Variants in SUCLG2 observed in about 807,000 individuals in gnomAD.
The protein encoded by SUCLG2 is succinate-CoA ligase GDP-forming subunit beta.
In SUCLG2, 42 loss-of-function variants were observed where a neutral mutation model predicts 47.9. The ratio of observed to expected loss-of-function variants is 0.88; its 90% confidence interval spans 0.69 to 1.14. The LOEUF (loss-of-function observed/expected upper bound fraction) is 1.14, where lower values mean the gene tolerates loss of function less well. Ranked by LOEUF, SUCLG2 falls within the 50% of genes most tolerant of loss-of-function variation. SUCLG2 has a pLI of 0.00. For synonymous variants in SUCLG2, 195 were observed against 197.3 expected, an observed-to-expected ratio of 0.99 and a Z score of 0.10; for missense variants, 571 against 525.9, an observed-to-expected ratio of 1.09 and a Z score of -0.84.
intron 2 of SUCLG2, among the ~76,000 whole-genome samples, chr3:67,581,238 C>T (rs1237585753): frequency 6.6e-6 from 1 of 152,102 alleles, no homozygotes; most frequent in African/African-American, 2.4e-5. Flanking sequence ...AGAGTAAAGT[C>T]CAAAAATGCA....
intron 4 of SUCLG2, among the ~76,000 whole-genome samples, chr3:67,524,643 C>T (rs994193111): frequency 6.6e-6 from 1 of 152,166 alleles, no homozygotes; most frequent in African/African-American, 2.4e-5. Flanking sequence ...GTTCTATAAT[C>T]TGGGGACTTA....
intron 1 of SUCLG2, among the ~76,000 whole-genome samples, chr3:67,620,229 A>G (rs1425649087): frequency 6.6e-6 from 1 of 152,194 alleles, no homozygotes; most frequent in Non-Finnish European, 1.5e-5. Flanking sequence ...GAAGAAAGAC[A>G]TGAACACATT....
intron 10 of SUCLG2, among the ~76,000 whole-genome samples, chr3:67,386,803 G>A (rs1040392194): frequency 1.2e-4 from 18 of 152,194 alleles, no homozygotes; most frequent in African/African-American, 4.3e-4. Flanking sequence ...ATCATTTACA[G>A]TATCATTCTT....
At chr3:67,602,685 C>A (rs1282827410) in intron 2 of SUCLG2, among the ~76,000 whole-genome samples, 1 of 152,028 alleles carries the variant, frequency 6.6e-6, no homozygotes, top group Non-Finnish European at 1.5e-5. Context: ...TAGGGAAAAC[C>A]ATTAATTTAA....
At chr3:67,583,034 A>G (rs1029898784) in intron 2 of SUCLG2, among the ~76,000 whole-genome samples, 2 of 152,046 alleles carry the variant, frequency 1.3e-5, no homozygotes, top group Admixed American at 6.6e-5. Context: ...TGCAGTGACA[A>G]AAGGGAAAAT....
At chr3:67,573,809 T>C (rs774178510) in intron 2 of SUCLG2, among the ~76,000 whole-genome samples, 114 of 152,192 alleles carry the variant, frequency 7.5e-4, no homozygotes, top group Non-Finnish European at 1.4e-3. Flanking sequence ...AATAAAACCC[T>C]GTCTTACTCA....
chr3:67,530,674 T>C (rs1448203515), intron 2 of SUCLG2, among the ~76,000 whole-genome samples: 1 of 152,232 alleles, frequency 6.6e-6, no homozygotes, highest in Non-Finnish European at 1.5e-5. Flanking sequence ...CTCCTATATT[T>C]GCTTACACTC....
chr3:67,595,945 G>A (rs1708283321), intron 2 of SUCLG2, among the ~76,000 whole-genome samples: 1 of 152,216 alleles, frequency 6.6e-6, no homozygotes, highest in South Asian at 2.1e-4. Context: ...AAAACAAGAT[G>A]AATGTGTCTC....
At chr3:67,614,141 T>G (rs1366059010) in intron 1 of SUCLG2, among the ~76,000 whole-genome samples, 2 of 152,228 alleles carry the variant, frequency 1.3e-5, no homozygotes, top group Admixed American at 6.5e-5. Context: ...AATCCATGAA[T>G]TCTAGAATGC....
chr3:67,580,252 T>C (rs1225190689), intron 2 of SUCLG2, among the ~76,000 whole-genome samples: 1 of 152,256 alleles, frequency 6.6e-6, no homozygotes, highest in South Asian at 2.1e-4. Flanking sequence ...GTTGCCATGA[T>C]ATATATATTT....
chr3:67,486,021 C>T (rs1173347162), intron 9 of SUCLG2, among the ~76,000 whole-genome samples: 2 of 152,080 alleles, frequency 1.3e-5, no homozygotes, highest in African/African-American at 4.8e-5. Flanking sequence ...GTCTGTAATC[C>T]CAGCACTTTG....
chr3:67,522,664 T>G (rs1273395699), intron 4 of SUCLG2, among the ~76,000 whole-genome samples: 1 of 148,936 alleles, frequency 6.7e-6, no homozygotes, highest in Non-Finnish European at 1.5e-5. Context: ...TTTCTTTCTT[T>G]TTTTTTTTTT....
intron 9 of SUCLG2, among the ~76,000 whole-genome samples, chr3:67,475,737 CG>C (rs1704734303): frequency 6.7e-6 from 1 of 149,340 alleles, no homozygotes; most frequent in African/African-American, 2.5e-5. Flanking sequence ...TTTTTGAGAG[CG>C]AGATGGAGTT....
At chr3:67,451,939 G>C (rs1704067076) in intron 9 of SUCLG2, among the ~76,000 whole-genome samples, 1 of 152,178 alleles carries the variant, frequency 6.6e-6, no homozygotes, top group Non-Finnish European at 1.5e-5. Context: ...CAGGATAACT[G>C]AAAGAGTTGT....
At chr3:67,578,889 G>T (rs1051104102) in intron 2 of SUCLG2, among the ~76,000 whole-genome samples, 2 of 152,202 alleles carry the variant, frequency 1.3e-5, no homozygotes, top group African/African-American at 2.4e-5. Context: ...TCCCAGGCAG[G>T]AGAGCAACAC....
At position 67,500,484 on chromosome 3, in the gene SUCLG2, C is replaced by G. The variant is rs190393728; in HGVS notation, c.758-2189G>C. On this transcript the variant is annotated intron_variant, in intron 7 of 10. Transcript: ENST00000307227. ...GCCCCAAAATGCCCAACCACTTTGT[C>G]CACACATTGTGAATGGTTGGAGTGA... Among the ~76,000 whole-genome samples the G allele has an allele frequency of 4.5e-3, 684 of 152,078 alleles. 12 individuals are homozygous for G. The East Asian group carries it at 0.059, about 13-fold the overall frequency.
chr3:67,559,790 A>G (rs1272860824), intron 2 of SUCLG2, among the ~76,000 whole-genome samples: 1 of 152,236 alleles, frequency 6.6e-6, no homozygotes, highest in Non-Finnish European at 1.5e-5. Context: ...GTATAATGCT[A>G]TAAGGACAAA....
chr3:67,589,373 A>G (rs1479767830), intron 2 of SUCLG2, among the ~76,000 whole-genome samples: 3 of 152,192 alleles, frequency 2.0e-5, no homozygotes, highest in Non-Finnish European at 2.9e-5. Context: ...TACTCCAGTT[A>G]TATCTCCAGC....
chr3:67,392,609 G>C (rs1702415043), intron 10 of SUCLG2, among the ~76,000 whole-genome samples: 2 of 152,118 alleles, frequency 1.3e-5, no homozygotes, highest in Non-Finnish European at 2.9e-5. Context: ...CCTTACCTTA[G>C]AGAAAACGTC....
Sources: allele counts gnomAD v4.1 joint callset (sites outside exome capture counted in the v4.1 genomes callset), GRCh38; gene constraint gnomAD v4.1.1; transcripts MANE v1.5; gene names NCBI Gene and HGNC (gene_info 2026-07-23, HGNC 2026-07-21).